GLYATL2: variants seen among roughly 807,000 people sequenced by gnomAD.
The protein encoded by GLYATL2 is glycine N-acyltransferase-like protein 2.
In GLYATL2, 25 loss-of-function variants were observed where a neutral mutation model predicts 21.4. That is an observed-to-expected ratio of 1.17 (90% CI 0.85 to 1.63). The LOEUF (loss-of-function observed/expected upper bound fraction) is 1.63, where lower values mean the gene tolerates loss of function less well. Among genes scored for constraint, GLYATL2 ranks in the 40% most tolerant of loss-of-function variants. GLYATL2 has a pLI of 0.00. For synonymous variants in GLYATL2, 114 were observed against 118.2 expected (o/e 0.96, Z 0.23); for missense variants, 361 against 343.3 (o/e 1.05, Z -0.41).
chr11:58,895,216 A>G (rs1178776748), intron 1 of GLYATL2, among the ~76,000 whole-genome samples: 3 of 152,216 alleles, frequency 2.0e-5, no homozygotes, highest in Non-Finnish European at 4.4e-5. Flanking sequence ...GATTAGAAAA[A>G]CAACAAGAAA....
chr11:58,860,382 G>T (rs1341672434), intron 1 of GLYATL2, among the ~76,000 whole-genome samples: 2 of 151,988 alleles, frequency 1.3e-5, no homozygotes, highest in African/African-American at 4.8e-5. Flanking sequence ...ATGCAAACAG[G>T]ATGATTTTCT....
chr11:58,846,654 G>T (rs559572270), upstream of GLYATL2, among the ~76,000 whole-genome samples: 2 of 152,110 alleles, frequency 1.3e-5, no homozygotes, highest in African/African-American at 4.8e-5. Context: ...GTCCTAACCC[G>T]AGGGGAATCA....
chr11:58,837,249 T>A, intron 4 of GLYATL2, 22 bp downstream of exon 4: 1 of 1,613,216 alleles, frequency 6.2e-7, no homozygotes, highest in Non-Finnish European at 8.5e-7. Context: ...TGGATCTTTT[T>A]CTTTTAACTC....
intron 1 of GLYATL2, among the ~76,000 whole-genome samples, chr11:58,875,245 T>C (rs1424172241): frequency 6.6e-6 from 1 of 152,234 alleles, no homozygotes; most frequent in Non-Finnish European, 1.5e-5. Context: ...CTTTATCCAA[T>C]TTGCCAGTCT....
chr11:58,881,168 G>A (rs1365532200), intron 1 of GLYATL2, among the ~76,000 whole-genome samples: 2 of 152,130 alleles, frequency 1.3e-5, no homozygotes, highest in East Asian at 3.9e-4. Flanking sequence ...TGCCAGGTAT[G>A]CATTTCATAT....
chr11:58,866,488 G>T (rs936941103), intron 1 of GLYATL2, among the ~76,000 whole-genome samples: 1 of 148,726 alleles, frequency 6.7e-6, no homozygotes, highest in Non-Finnish European at 1.5e-5. Flanking sequence ...AATCACCAAA[G>T]CTCCTGAATT....
At chr11:58,840,042 A>C (rs1853516956) in intron 1 of GLYATL2, among the ~76,000 whole-genome samples, 1 of 152,106 alleles carries the variant, frequency 6.6e-6, no homozygotes, top group African/African-American at 2.4e-5. Flanking sequence ...GCATTGAAAC[A>C]CTTGCTCTAA....
intron 2 of GLYATL2, 67 bp from the exon 3 acceptor site, chr11:58,838,435 A>C (rs1853482023): frequency 2.0e-6 from 2 of 1,011,298 alleles, no homozygotes; most frequent in East Asian, 2.4e-5. Flanking sequence ...TTATATGTGG[A>C]GAAATAAGAC....
chr11:58,857,862 C>T (rs563779059), intron 1 of GLYATL2, among the ~76,000 whole-genome samples: 6 of 140,028 alleles, frequency 4.3e-5, no homozygotes, highest in Non-Finnish European at 4.5e-5. Context: ...TTACCTGCTA[C>T]CCTCATTCCC....
rs546256254 is a variant in GLYATL2, at chr11:58,857,963, C to A, written n.61-19595G>T. Among the ~76,000 whole-genome samples, 34 of 149,826 alleles carry A rather than the reference C, an allele frequency of 2.3e-4. No homozygotes were observed. The South Asian group carries it at 2.5e-3, about 11-fold the overall frequency. ...TATCTTACTTGAGGAATTAGGTAGG[C>A]AAGGAATGATGGATCACATTGGAGT... On this transcript the variant is annotated intron_variant and non_coding_transcript_variant, in intron 1 of 4. Coordinates refer to the GLYATL2 transcript ENST00000533636.
intron 1 of GLYATL2, among the ~76,000 whole-genome samples, chr11:58,863,120 G>A (rs537715157): frequency 3.0e-5 from 1 of 33,204 alleles, no homozygotes; most frequent in Admixed American, 3.8e-4. Context: ...GGATCCACTG[G>A]GTGGATATTA....
At chr11:58,878,948 G>A (rs1854285556) in intron 1 of GLYATL2, among the ~76,000 whole-genome samples, 1 of 152,234 alleles carries the variant, frequency 6.6e-6, no homozygotes, top group East Asian at 1.9e-4. Flanking sequence ...GCAGTACAGG[G>A]TGTCAACTGT....
At chr11:58,878,442 C>A in intron 1 of GLYATL2, 1 of 370,442 alleles carries the variant, frequency 2.7e-6, no homozygotes, top group Non-Finnish European at 4.3e-6. Context: ...TCTGAATTTC[C>A]TTGAGCAAAT....
rs1349581488 is a variant in GLYATL2 at position 58,834,668 on chromosome 11, C to G, written c.646G>C (p.Val216Leu). 6.2e-7 allele frequency: 1 copy of G among 1,613,394 alleles called. No individual in the cohort carries two copies. The highest frequency in any genetic ancestry group is 8.5e-7 in the Non-Finnish European group (1 of 1,179,982). The change falls in exon 6 of 6, where the codon GTG becomes CTG. Residue 216 changes from valine to leucine, a missense_variant. By Grantham distance (32) the Val-to-Leu change is conservative. Coordinates refer to ENST00000287275, the MANE Select transcript of GLYATL2 (RefSeq NM_145016.4). ...CTCAACTCACAGGACTGTTCCATCA[C>G]AATCCAAGAGACAAGCTGGCCCTCT... is the stretch of plus-strand genomic sequence containing the variant. The part of the protein sequence containing the change: ...GPEGQLVSWI[V>L]MEQSCELRMG...
At chr11:58,873,457 T>C (rs2134604973) in intron 1 of GLYATL2, among the ~76,000 whole-genome samples, 1 of 152,064 alleles carries the variant, frequency 6.6e-6, no homozygotes, top group South Asian at 2.1e-4. Flanking sequence ...TGAGATACAT[T>C]CTATCAATAC....
upstream of GLYATL2, among the ~76,000 whole-genome samples, chr11:58,846,116 C>T (rs1418323605): frequency 6.6e-6 from 1 of 152,104 alleles, no homozygotes; most frequent in Non-Finnish European, 1.5e-5. Flanking sequence ...TGGTCCATTT[C>T]AACTAGTCAA....
At position 58,834,176 on chromosome 11, in the gene GLYATL2, T is replaced by C; in HGVS notation, c.*253A>G. 3.0e-6 allele frequency: 1 copy of C among 327,938 alleles called. No individual in the cohort carries two copies. Among genetic ancestry groups the C allele is most frequent in the Non-Finnish European group, 5.5e-6 (1 of 182,020 alleles). The allele number at this position is 327,938 out of a possible 1,614,324, so 20.3% of individuals were successfully genotyped here. ...TGCCGTTAAAGGGTTATCTTGGCAC[T>C]AATGATTGGCTTTGGGTGATTTTAA... On this transcript the variant is annotated 3_prime_UTR_variant, in exon 6 of 6. Transcript: ENST00000287275.
At chr11:58,908,781 G>A (rs918214748), upstream of GLYATL2, among the ~76,000 whole-genome samples, 5 of 152,060 alleles carry the variant, frequency 3.3e-5, no homozygotes, top group African/African-American at 1.2e-4. Context: ...CAAACAATAT[G>A]GACACTTAAA....
chr11:58,843,893 C>T (rs1169993476), intron 1 of GLYATL2, among the ~76,000 whole-genome samples: 15 of 152,034 alleles, frequency 9.9e-5, no homozygotes, highest in Non-Finnish European at 2.2e-4. Context: ...GTACCACAGA[C>T]ATGAATAGGA....
Sources: gnomAD v4.1 joint callset for allele counts (sites outside exome capture counted in the v4.1 genomes callset) on GRCh38, gnomAD v4.1.1 for gene constraint, MANE v1.5 for transcripts, NCBI Gene and HGNC (gene_info 2026-07-23, HGNC 2026-07-21) for gene names.